Variants in CENPW observed in about 807,000 individuals in gnomAD.
CENPW encodes the protein cancer-up-regulated gene 2 protein.
In CENPW, 3 loss-of-function variants were observed where a neutral mutation model predicts 11.1. The ratio of observed to expected loss-of-function variants is 0.27; its 90% confidence interval spans 0.12 to 0.70. The LOEUF (loss-of-function observed/expected upper bound fraction) is 0.70. Among genes scored for constraint, CENPW ranks in the 30% least tolerant of loss-of-function variants. CENPW has a pLI of 0.77. For synonymous variants in CENPW, 38 were observed against 42.0 expected (o/e 0.91, Z 0.37); for missense variants, 100 against 105.6 (o/e 0.95, Z 0.23).
chr6:126,475,899 ATTATCGAG>A, the CENPW span, among the ~76,000 whole-genome samples: 1 of 151,978 alleles, frequency 6.6e-6, no homozygotes, highest in African/African-American at 2.4e-5. Flanking sequence ...GACCTTAGAA[ATTATCGAG>A]TTGCCACTAA....
the CENPW span, among the ~76,000 whole-genome samples, chr6:126,399,469 T>C: frequency 2.2e-4 from 34 of 152,246 alleles, no homozygotes; most frequent in African/African-American, 7.0e-4. Flanking sequence ...GAAAATCTAT[T>C]TTACGAAGTT....
the CENPW span, among the ~76,000 whole-genome samples, chr6:126,378,222 G>A: frequency 2.0e-5 from 3 of 152,084 alleles, no homozygotes; most frequent in Non-Finnish European, 2.9e-5. Flanking sequence ...TTTGCAGCTC[G>A]AGCATTTGTC....
At chr6:126,359,757 C>CT in the CENPW span, among the ~76,000 whole-genome samples, 572 of 137,888 alleles carry the variant, frequency 4.1e-3, 2 homozygotes, top group Non-Finnish European at 3.8e-3. Flanking sequence ...TTTTTCTTTT[C>CT]TTTTTTTTTT....
the CENPW span, among the ~76,000 whole-genome samples, chr6:126,393,192 C>G: frequency 6.6e-6 from 1 of 151,322 alleles, no homozygotes; most frequent in Non-Finnish European, 1.5e-5. Context: ...TTTTTTTAGT[C>G]TTGCTACAGA....
chr6:126,354,840 A>G, the CENPW span, among the ~76,000 whole-genome samples: 4 of 152,118 alleles, frequency 2.6e-5, no homozygotes, highest in Non-Finnish European at 4.4e-5. Flanking sequence ...GGTGGTACGT[A>G]TACTCCAACT....
chr6:126,393,863 T>C, the CENPW span, among the ~76,000 whole-genome samples: 2 of 151,510 alleles, frequency 1.3e-5, no homozygotes, highest in Non-Finnish European at 3.0e-5. Flanking sequence ...CTATATTGAC[T>C]CCTTTATCAT....
At chr6:126,387,985 G>T in the CENPW span, among the ~76,000 whole-genome samples, 1 of 151,860 alleles carries the variant, frequency 6.6e-6, no homozygotes, top group Non-Finnish European at 1.5e-5. Context: ...AGACTATTTG[G>T]CTGAATCCAC....
At chr6:126,479,366 T>G in the CENPW span, among the ~76,000 whole-genome samples, 2 of 151,964 alleles carry the variant, frequency 1.3e-5, no homozygotes, top group Non-Finnish European at 2.9e-5. Context: ...GTACATCACC[T>G]CCTGAGTATT....
chr6:126,410,820 AG>A, the CENPW span, among the ~76,000 whole-genome samples: 87 of 151,948 alleles, frequency 5.7e-4, no homozygotes, highest in African/African-American at 2.0e-3. Flanking sequence ...TTTTAGCTGC[AG>A]GCTTTGCATT....
chr6:126,411,912 C>T, the CENPW span, among the ~76,000 whole-genome samples: 60 of 110,484 alleles, frequency 5.4e-4, no homozygotes, highest in African/African-American at 1.9e-3. Flanking sequence ...TCCTTCCTCC[C>T]TCCCCCTCCC....
chr6:126,376,924 CAA>C, the CENPW span, among the ~76,000 whole-genome samples: 1 of 152,138 alleles, frequency 6.6e-6, no homozygotes, highest in Non-Finnish European at 1.5e-5. Context: ...TTCATTTTGA[CAA>C]AGTCACTCTG....
the CENPW span, among the ~76,000 whole-genome samples, chr6:126,392,526 T>A: frequency 6.6e-6 from 1 of 151,970 alleles, no homozygotes; most frequent in Non-Finnish European, 1.5e-5. Context: ...AGATGTTGAA[T>A]TTTATCAAAC....
At chr6:126,451,172 A>G in the CENPW span, among the ~76,000 whole-genome samples, 1 of 151,020 alleles carries the variant, frequency 6.6e-6, no homozygotes, top group Non-Finnish European at 1.5e-5. Flanking sequence ...CTACATCTTT[A>G]TTTTAAAATT....
the CENPW span, among the ~76,000 whole-genome samples, chr6:126,367,555 GT>G: frequency 3.9e-5 from 6 of 152,156 alleles, no homozygotes; most frequent in Admixed American, 1.3e-4. Context: ...AACCTTAAGA[GT>G]AACTCCAGAT....
At chr6:126,369,246 A>G in the CENPW span, among the ~76,000 whole-genome samples, 1 of 152,060 alleles carries the variant, frequency 6.6e-6, no homozygotes, top group African/African-American at 2.4e-5. Flanking sequence ...GCTGCTATAA[A>G]TGTGTTTGCA....
At chr6:126,481,901 G>T in the CENPW span, among the ~76,000 whole-genome samples, 23 of 152,072 alleles carry the variant, frequency 1.5e-4, no homozygotes, top group Admixed American at 9.2e-4. Flanking sequence ...GTATTACTTT[G>T]CATTAATGAC....
At chr6:126,377,803 A>G in the CENPW span, among the ~76,000 whole-genome samples, 1 of 152,202 alleles carries the variant, frequency 6.6e-6, no homozygotes, top group Non-Finnish European at 1.5e-5. Flanking sequence ...AAGTAACAAC[A>G]AAAGACTTAT....
the CENPW span, among the ~76,000 whole-genome samples, chr6:126,427,003 T>A: frequency 9.8e-5 from 15 of 152,300 alleles, no homozygotes; most frequent in South Asian, 2.9e-3. Context: ...CAGTATATCT[T>A]TTCCGACTGT....
At chr6:126,479,903 A>G in the CENPW span, among the ~76,000 whole-genome samples, 1 of 151,818 alleles carries the variant, frequency 6.6e-6, no homozygotes, top group Non-Finnish European at 1.5e-5. Flanking sequence ...AAGATTCTGG[A>G]AACATTTTCC....
Sources: gnomAD v4.1 joint callset for allele counts (sites outside exome capture counted in the v4.1 genomes callset) on GRCh38, gnomAD v4.1.1 for gene constraint, MANE v1.5 for transcripts, NCBI Gene and HGNC (gene_info 2026-07-23, HGNC 2026-07-21) for gene names.